IRAG2: variants seen among roughly 807,000 people sequenced by gnomAD.
IRAG2 encodes inositol 1,4,5-triphosphate receptor associated 2.
In IRAG2, 45 loss-of-function variants were observed where a neutral mutation model predicts 69.9. The observed-to-expected ratio is 0.64, with a 90% CI of 0.51 to 0.83. The LOEUF (loss-of-function observed/expected upper bound fraction) is 0.83. Among genes scored for constraint, IRAG2 ranks in the 40% least tolerant of loss-of-function variants. The pLI is 0.00. For missense variants in IRAG2, 520 were observed against 587.0 expected (o/e 0.89, Z 1.18); for synonymous variants, 193 against 202.4 (o/e 0.95, Z 0.40).
chr12:25,009,736 G>C (rs915347583), intron 2 of IRAG2, among the ~76,000 whole-genome samples: 14 of 151,900 alleles, frequency 9.2e-5, no homozygotes, highest in African/African-American at 3.1e-4. Flanking sequence ...TGCTGGTGCA[G>C]TTCCCATCCA....
At chr12:25,062,035 T>G (rs73282873) in intron 2 of IRAG2, among the ~76,000 whole-genome samples, 4,364 of 152,308 alleles carry the variant, frequency 0.029, 224 homozygotes, top group African/African-American at 0.099. Context: ...GCTTTGATGG[T>G]TACTGTCTCT....
chr12:25,037,394 G>A (rs1257045003), intron 15 of IRAG2, among the ~76,000 whole-genome samples: 1 of 152,070 alleles, frequency 6.6e-6, no homozygotes, highest in Non-Finnish European at 1.5e-5. Flanking sequence ...TGCCTCCTGG[G>A]TCCAAGTGAT....
rs1449743023 is a variant in IRAG2, at chr12:25,103,741, T to C, written c.934-96T>C. The C allele has an allele frequency of 1.0e-5, 9 of 865,698 alleles. No homozygotes were observed. The East Asian group carries it at 2.2e-4, about 21-fold the overall frequency. The allele number at this position is 865,698 out of a possible 1,614,324, so 53.6% of individuals were successfully genotyped here. On this transcript the variant is annotated intron_variant, in intron 17 of 21. Transcript: ENST00000556887. Reference sequence around the variant, plus strand: ...TCTGTTTAACTCAGCTGTGGTCAAGTACACGGATATGCATGTACAAGGATA... The same window carrying C: ...TCTGTTTAACTCAGCTGTGGTCAAGCACACGGATATGCATGTACAAGGATA...
intron 15 of IRAG2, among the ~76,000 whole-genome samples, chr12:25,098,963 G>A (rs1213577955): frequency 6.6e-6 from 1 of 152,086 alleles, no homozygotes; most frequent in Admixed American, 6.5e-5. Flanking sequence ...TTAGCTTCCA[G>A]GCACCATGTC....
At chr12:25,027,626 C>A (rs1944634305) in intron 9 of IRAG2, among the ~76,000 whole-genome samples, 1 of 152,074 alleles carries the variant, frequency 6.6e-6, no homozygotes, top group South Asian at 2.1e-4. Context: ...AATCTCCTGA[C>A]CTTGTGATCT....
At chr12:25,015,088 G>GAAAAAAAAACAAAAA (rs1944511226) in intron 3 of IRAG2, 1 of 50,218 alleles carries the variant, frequency 2.0e-5, no homozygotes, top group Non-Finnish European at 3.3e-5. Flanking sequence ...GCATAAATCT[G>GAAAAAAAAACAAAAA]AAAAAAAAAA....
chr12:25,076,671 G>A (rs4963602), intron 6 of IRAG2: 752,587 of 938,340 alleles, frequency 0.8, 303,311 homozygotes, highest in East Asian at 0.99. Context: ...TGACAAGTGT[G>A]TAGTGTTTTT....
chr12:25,080,312 T>TAA lies in IRAG2; in HGVS notation c.244+557_244+558dup, dbSNP rs111646546. Among the ~76,000 whole-genome samples the TAA allele has an allele frequency of 9.3e-3, 1,382 of 149,206 alleles. 20 individuals carry two copies. Among genetic ancestry groups the TAA allele is most frequent in the African/African-American group, 0.032 (1,321 of 40,704 alleles). ...TGGGAGGAATAGGCTCTAATTCCCA[T>TAA]AAAAAAAAATCAATCAAGGAAAATT... On this transcript the variant is annotated intron_variant, in intron 9 of 21. Coordinates refer to ENST00000556887, the MANE Select transcript of IRAG2 (RefSeq NM_001366544.2).
At chr12:25,071,582 G>T (rs1197697000) in intron 6 of IRAG2, among the ~76,000 whole-genome samples, 1 of 152,116 alleles carries the variant, frequency 6.6e-6, no homozygotes, top group African/African-American at 2.4e-5. Context: ...TGATTAATCT[G>T]CTCCACACTT....
rs182202712 is a variant in IRAG2 at position 25,091,549 on chromosome 12, G to C, written c.606+1352G>C. Among the ~76,000 whole-genome samples, 9 of 152,280 alleles carry C rather than the reference G, an allele frequency of 5.9e-5. No homozygotes were observed. The East Asian group carries it at 7.7e-4, about 13-fold the overall frequency. On this transcript the variant is annotated intron_variant, in intron 14 of 21. Transcript: ENST00000556887. ...TTGGCTATTGTGAATAGTGCTGTTA[G>C]AAACGTAGGTGTATAAATATCTCTT... is the stretch of plus-strand genomic sequence containing the variant.
chr12:25,100,454 A>G (rs1317586270), intron 15 of IRAG2, among the ~76,000 whole-genome samples: 1 of 152,236 alleles, frequency 6.6e-6, no homozygotes, highest in Non-Finnish European at 1.5e-5. Flanking sequence ...TCATAGGACT[A>G]TGAACATTCC....
intron 6 of IRAG2, among the ~76,000 whole-genome samples, chr12:25,070,759 A>G (rs1243635547): frequency 6.6e-6 from 1 of 152,152 alleles, no homozygotes; most frequent in African/African-American, 2.4e-5. Context: ...TTCCAACAGC[A>G]ATGTATGAAG....
chr12:25,106,929 A>T lies in IRAG2; in HGVS notation c.1149-14A>T, dbSNP rs755061552. On this transcript the variant is annotated splice_polypyrimidine_tract_variant and intron_variant, in intron 20 of 21. Coordinates refer to ENST00000556887, the MANE Select transcript of IRAG2 (RefSeq NM_001366544.2). ...TCCTTAGTTTCAAATATTAAAAACA[A>T]CATTTATTTACAGAACTAAAGATGA... 1.9e-5 allele frequency: 25 copies of T among 1,332,362 alleles called. No homozygotes were observed. Among genetic ancestry groups the T allele is most frequent in the Non-Finnish European group, 2.5e-5 (24 of 951,968 alleles). The allele number at this position is 1,332,362 out of a possible 1,614,324, so 82.5% of individuals were successfully genotyped here.
chr12:25,094,654 T>C (rs2140197253), intron 14 of IRAG2, among the ~76,000 whole-genome samples: 1 of 152,284 alleles, frequency 6.6e-6, no homozygotes, highest in East Asian at 1.9e-4. Context: ...TGTGTATCAC[T>C]TTGGGTACTA....
intron 3 of IRAG2, among the ~76,000 whole-genome samples, chr12:25,012,137 G>A (rs1034720040): frequency 1.2e-4 from 16 of 134,150 alleles, no homozygotes; most frequent in Admixed American, 1.1e-3. Flanking sequence ...CACAGAAAGC[G>A]AATTCCCTTT....
upstream of IRAG2, among the ~76,000 whole-genome samples, chr12:25,050,259 G>T (rs545393357): frequency 5.9e-5 from 9 of 151,788 alleles, no homozygotes; most frequent in Non-Finnish European, 7.4e-5. Flanking sequence ...GGCCGGGTGC[G>T]GTGGCTCATG....
intron 6 of IRAG2, among the ~76,000 whole-genome samples, chr12:25,076,076 A>AT (rs1946672587): frequency 6.6e-6 from 1 of 151,692 alleles, no homozygotes; most frequent in African/African-American, 2.4e-5. Flanking sequence ...TTGAAACCAG[A>AT]TCAAAAAAAA....
chr12:25,003,437 C>T (rs866689792), upstream of IRAG2, among the ~76,000 whole-genome samples: 35 of 152,072 alleles, frequency 2.3e-4, no homozygotes, highest in Admixed American at 3.3e-4. Flanking sequence ...TGAAGCCCTC[C>T]CATACTCAAG....
At chr12:25,072,140 G>A (rs1480299822) in intron 6 of IRAG2, among the ~76,000 whole-genome samples, 1 of 152,110 alleles carries the variant, frequency 6.6e-6, no homozygotes, top group East Asian at 1.9e-4. Flanking sequence ...GGAAGGAGGA[G>A]GTTGAGTGAG....
Sources: allele counts gnomAD v4.1 joint callset (sites outside exome capture counted in the v4.1 genomes callset), GRCh38; gene constraint gnomAD v4.1.1; transcripts MANE v1.5; gene names NCBI Gene and HGNC (gene_info 2026-07-23, HGNC 2026-07-21).